Variants in HTR1D observed in about 807,000 individuals in gnomAD.
HTR1D encodes 5-hydroxytryptamine receptor 1D.
HTR1D carries 18 observed loss-of-function variants against 21.1 expected under a neutral mutation model. The ratio of observed to expected loss-of-function variants is 0.85; its 90% CI spans 0.59 to 1.27. The LOEUF (loss-of-function observed/expected upper bound fraction) is 1.27. HTR1D is among the 50% of genes most tolerant of loss of function. HTR1D has a pLI of 0.00. For missense variants in HTR1D, 456 were observed against 481.4 expected (o/e 0.95, Z 0.49); for synonymous variants, 196 against 204.4 (o/e 0.96, Z 0.35).
chr1:23,196,992 G>A (rs1162336619), intron 1 of HTR1D, among the ~76,000 whole-genome samples: 6 of 152,110 alleles, frequency 3.9e-5, no homozygotes. Context: ...TGTGAACTCT[G>A]GTTGGCTCGT....
In HTR1D at chr1:23,217,285, G is replaced by A. The variant is rs578201756; in HGVS notation, c.-783+6C>T. 4.2e-3 allele frequency among the ~76,000 whole-genome samples: 638 copies of A among 151,910 alleles called. 9 individuals carry two copies. Among genetic ancestry groups the A allele is most frequent in the African/African-American group, 0.014 (601 of 41,506 alleles). On this transcript the variant is annotated splice_donor_region_variant and intron_variant, in intron 1 of 1. Transcript: ENST00000374619. The surrounding 1 kb of genome is among the most constrained non-coding windows in gnomAD (Gnocchi z 4.6). ...CCAGGCTGCAGACGCGGCCCCGAGA[G>A]CTTACCCGCTGCCCGGCGGGCAGGT...
At chr1:23,205,365 C>T (rs1644725570) in intron 1 of HTR1D, among the ~76,000 whole-genome samples, 1 of 152,134 alleles carries the variant, frequency 6.6e-6, no homozygotes, top group Non-Finnish European at 1.5e-5. Context: ...TAACCAAATA[C>T]CACCTGTACC....
intron 1 of HTR1D, among the ~76,000 whole-genome samples, chr1:23,207,790 C>G (rs1644737970): frequency 7.7e-6 from 1 of 129,408 alleles, no homozygotes; most frequent in African/African-American, 3.0e-5. Flanking sequence ...GAGGCGGAGT[C>G]TTGCTCTGTC....
chr1:23,215,051 C>T (rs992074591), intron 1 of HTR1D, among the ~76,000 whole-genome samples: 6 of 152,254 alleles, frequency 3.9e-5, no homozygotes, highest in African/African-American at 1.4e-4. Flanking sequence ...TGTCAAGTCA[C>T]AGGGGCCCAG....
intron 1 of HTR1D, among the ~76,000 whole-genome samples, chr1:23,215,629 C>A (rs1006550044): frequency 6.6e-6 from 1 of 152,210 alleles, no homozygotes. Context: ...GTCATCCATC[C>A]GTGGCCTAGG....
intron 1 of HTR1D, among the ~76,000 whole-genome samples, chr1:23,204,791 G>A (rs1022028853): frequency 4.6e-5 from 7 of 152,178 alleles, no homozygotes; most frequent in South Asian, 2.1e-4. Flanking sequence ...AGGACGTGGA[G>A]CAGAGCTGTT....
chr1:23,199,633 A>G (rs547266847), intron 1 of HTR1D, among the ~76,000 whole-genome samples: 3 of 151,776 alleles, frequency 2.0e-5, no homozygotes, highest in East Asian at 3.9e-4. Flanking sequence ...GTACATTAAT[A>G]TTAATTGTTA....
intron 1 of HTR1D, among the ~76,000 whole-genome samples, chr1:23,213,232 C>T (rs1048026430): frequency 6.6e-6 from 1 of 151,632 alleles, no homozygotes; most frequent in African/African-American, 2.4e-5. Flanking sequence ...TTCATAAAAA[C>T]AATAAGGGTT....
intron 1 of HTR1D, among the ~76,000 whole-genome samples, chr1:23,199,708 T>C (rs1372750611): frequency 6.6e-6 from 1 of 152,104 alleles, no homozygotes; most frequent in East Asian, 1.9e-4. Context: ...CTTTCTTTCT[T>C]TCTTTTTCTT....
intron 1 of HTR1D, among the ~76,000 whole-genome samples, chr1:23,200,024 A>G (rs1453593487): frequency 6.6e-6 from 1 of 152,076 alleles, no homozygotes; most frequent in Non-Finnish European, 1.5e-5. Context: ...AATTTTTCTC[A>G]ATCTATTTTG....
Position 23,192,835 on chromosome 1 carries a change from C to CA in HTR1D, c.*250dup, listed in dbSNP as rs35477602. ...CTGGCGAGAGGGCAAGACTCCGTCT[C>CA]AAAAAAAAAAAAAAAGAAAGAAAAT... On this transcript the variant is annotated 3_prime_UTR_variant, in exon 2 of 2. Transcript: ENST00000374619. 0.15 allele frequency: 22,142 copies of CA among 143,628 alleles called. 1,570 individuals are homozygous for CA. The highest frequency in any genetic ancestry group is 0.31 in the South Asian group (1,697 of 5,420). 8.9% of individuals were successfully genotyped at this position (143,628 alleles called of 1,614,324 possible).
At chr1:23,210,765 A>T (rs1041811330) in intron 1 of HTR1D, among the ~76,000 whole-genome samples, 1 of 152,048 alleles carries the variant, frequency 6.6e-6, no homozygotes, top group Non-Finnish European at 1.5e-5. Flanking sequence ...CAGGTGAGTA[A>T]TCCTGGGAGC....
intron 1 of HTR1D, among the ~76,000 whole-genome samples, chr1:23,202,551 G>A (rs577682672): frequency 1.2e-4 from 18 of 152,264 alleles, no homozygotes; most frequent in African/African-American, 3.6e-4. Context: ...AAGGATGTAT[G>A]GGTTTAATGT....
intron 1 of HTR1D, among the ~76,000 whole-genome samples, chr1:23,216,102 G>A (rs1644772331): frequency 2.0e-5 from 3 of 152,250 alleles, no homozygotes. Flanking sequence ...GGCCTCACTT[G>A]CTGCTGATAA....
At chr1:23,197,502 G>T (rs907400890) in intron 1 of HTR1D, among the ~76,000 whole-genome samples, 6 of 151,894 alleles carry the variant, frequency 4.0e-5, no homozygotes, top group Non-Finnish European at 8.8e-5. Context: ...AGGCTGAGGC[G>T]TGTGGATCAC....
Position 23,192,835 on chromosome 1 carries a change from CAA to C in HTR1D, c.*249_*250del, listed in dbSNP as rs35477602. 557 of 143,448 alleles carry C rather than the reference CAA, an allele frequency of 3.9e-3. No homozygotes were observed. Among genetic ancestry groups the C allele is most frequent in the Middle Eastern group, 9.0e-3 (3 of 334 alleles). 8.9% of individuals were successfully genotyped at this position (143,448 alleles called of 1,614,324 possible). On this transcript the variant is annotated 3_prime_UTR_variant, in exon 2 of 2. Coordinates refer to ENST00000374619, the MANE Select transcript of HTR1D (RefSeq NM_000864.5). ...CTGGCGAGAGGGCAAGACTCCGTCTCAAAAAAAAAAAAAAAGAAAGAAAATAT... is the reference window on the plus strand; with the variant it reads ...CTGGCGAGAGGGCAAGACTCCGTCTCAAAAAAAAAAAAAGAAAGAAAATAT...
chr1:23,200,903 C>A (rs897116391), intron 1 of HTR1D, among the ~76,000 whole-genome samples: 2 of 152,184 alleles, frequency 1.3e-5, no homozygotes, highest in Admixed American at 1.3e-4. Context: ...AAGCAAGGAC[C>A]TTTCTCGGCC....
chr1:23,202,889 A>G (rs945443082), intron 1 of HTR1D, among the ~76,000 whole-genome samples: 1 of 152,094 alleles, frequency 6.6e-6, no homozygotes, highest in African/African-American at 2.4e-5. Context: ...TGGATAGAAT[A>G]CATGTGGGAA....
chr1:23,217,414 GC>G lies in HTR1D; in HGVS notation c.-907del, dbSNP rs1220448552. Among the ~76,000 whole-genome samples the G allele has an allele frequency of 1.3e-5, 2 of 151,766 alleles. No homozygotes were observed. The highest frequency in any genetic ancestry group is 2.4e-5 in the African/African-American group (1 of 41,348). On this transcript the variant is annotated 5_prime_UTR_variant, in exon 1 of 2. Coordinates refer to ENST00000374619, the MANE Select transcript of HTR1D (RefSeq NM_000864.5). This position sits in a 1 kb window ranked among gnomAD's most constrained non-coding sequence, Gnocchi z 4.6. ...CCCCCGCCGAACTCGGGGGCCGCCC[GC>G]CCCGCCGCCCCGGGGCCCTTTCCGG...
Sources: allele counts gnomAD v4.1 joint callset (sites outside exome capture counted in the v4.1 genomes callset), GRCh38; gene constraint gnomAD v4.1.1; non-coding constraint Gnocchi (gnomAD v3.1); transcripts MANE v1.5; gene names NCBI Gene and HGNC (gene_info 2026-07-23, HGNC 2026-07-21).